The following KHDRBS2 variants were observed in gnomAD, a reference collection of about 807,000 sequenced individuals.
KHDRBS2 encodes the protein KH domain-containing, RNA-binding, signal transduction-associated protein 2.
KHDRBS2 carries 26 observed loss-of-function variants against 44.3 expected under a neutral mutation model. The observed-to-expected ratio is 0.59, with a 90% CI of 0.43 to 0.81. The LOEUF (loss-of-function observed/expected upper bound fraction) is 0.81, where lower values mean the gene tolerates loss of function less well. KHDRBS2 is among the 40% of genes least tolerant of loss of function. The probability of loss-of-function intolerance (pLI) is 0.00; values close to 1 mark genes in which losing one functional copy is unlikely to be tolerated. For missense variants in KHDRBS2, 476 were observed against 433.1 expected, an observed-to-expected ratio of 1.10 and a Z score of -0.88; for synonymous variants, 194 against 151.1, an observed-to-expected ratio of 1.28 and a Z score of -2.08.
intron 3 of KHDRBS2, among the ~76,000 whole-genome samples, chr6:62,021,247 G>A (rs182428315): frequency 6.8e-4 from 104 of 151,934 alleles, no homozygotes; most frequent in African/African-American, 2.5e-3. Flanking sequence ...AAAGACATTG[G>A]GGTCTAAAAG....
chr6:61,906,987 TG>T (rs1371777162), intron 4 of KHDRBS2, among the ~76,000 whole-genome samples: 1 of 152,132 alleles, frequency 6.6e-6, no homozygotes, highest in East Asian at 1.9e-4. Context: ...ACCTCCATAC[TG>T]TTCTCCATAG....
At chr6:61,622,852 C>G in the KHDRBS2 span, among the ~76,000 whole-genome samples, 1 of 152,026 alleles carries the variant, frequency 6.6e-6, no homozygotes, top group Non-Finnish European at 1.5e-5. Context: ...TAGCTCTCCT[C>G]TGCAAGCCAG....
the KHDRBS2 span, among the ~76,000 whole-genome samples, chr6:61,558,014 G>T: frequency 2.6e-5 from 4 of 151,824 alleles, no homozygotes; most frequent in East Asian, 1.9e-4. Flanking sequence ...ATATGTTTGG[G>T]TCTTTTCTCT....
intron 2 of KHDRBS2, among the ~76,000 whole-genome samples, chr6:62,147,157 G>C (rs946382969): frequency 1.3e-5 from 2 of 151,644 alleles, no homozygotes; most frequent in African/African-American, 4.9e-5. Context: ...ATGTATCCTA[G>C]TTCCAGTTTC....
At chr6:62,073,874 G>T (rs993221560) in intron 2 of KHDRBS2, among the ~76,000 whole-genome samples, 2 of 151,666 alleles carry the variant, frequency 1.3e-5, no homozygotes, top group African/African-American at 4.8e-5. Context: ...TCCAAATAAA[G>T]TCTATCCTCA....
intron 4 of KHDRBS2, among the ~76,000 whole-genome samples, chr6:61,954,843 T>TATATAC (rs1765970585): frequency 1.3e-5 from 1 of 78,956 alleles, no homozygotes; most frequent in African/African-American, 4.9e-5. Context: ...TATGTATGTA[T>TATATAC]ACATATGCAT....
At chr6:61,543,539 G>A in the KHDRBS2 span, among the ~76,000 whole-genome samples, 2 of 151,706 alleles carry the variant, frequency 1.3e-5, no homozygotes, top group African/African-American at 2.4e-5. Flanking sequence ...CAGTTTGAAG[G>A]CTCCTTAAAA....
intron 6 of KHDRBS2, among the ~76,000 whole-genome samples, chr6:61,892,867 A>G (rs1360560899): frequency 2.0e-5 from 3 of 152,188 alleles, no homozygotes; most frequent in Non-Finnish European, 4.4e-5. Context: ...CTAAAACACC[A>G]AAAGCAATGG....
chr6:62,242,764 C>A (rs1450643045), intron 1 of KHDRBS2, among the ~76,000 whole-genome samples: 4 of 152,046 alleles, frequency 2.6e-5, no homozygotes, highest in Admixed American at 2.6e-4. Flanking sequence ...GAGAACTGAA[C>A]AAGGTAATCT....
intron 1 of KHDRBS2, among the ~76,000 whole-genome samples, chr6:62,236,414 G>A (rs142033924): frequency 1.4e-3 from 206 of 151,936 alleles, no homozygotes; most frequent in Middle Eastern, 3.4e-3. Flanking sequence ...AATTCTACCA[G>A]AGAATTAGAG....
At chr6:61,961,829 C>G (rs930704079) in intron 4 of KHDRBS2, among the ~76,000 whole-genome samples, 2 of 152,064 alleles carry the variant, frequency 1.3e-5, no homozygotes, top group Admixed American at 6.6e-5. Context: ...AGCTTTCACT[C>G]AGCATGAAGC....
chr6:61,859,379 GACACA>G (rs1796594074), intron 6 of KHDRBS2, among the ~76,000 whole-genome samples: 1 of 151,864 alleles, frequency 6.6e-6, no homozygotes, highest in Non-Finnish European at 1.5e-5. Context: ...CTTTTAGGGT[GACACA>G]TTAGTGGGTA....
At chr6:61,717,341 CT>C (rs1482476744) in intron 7 of KHDRBS2, among the ~76,000 whole-genome samples, 1 of 151,516 alleles carries the variant, frequency 6.6e-6, no homozygotes, top group Non-Finnish European at 1.5e-5. Flanking sequence ...CAAATAAGAA[CT>C]AAAAAAGAGA....
chr6:62,193,696 A>G (rs1232674019), intron 1 of KHDRBS2, among the ~76,000 whole-genome samples: 1 of 152,174 alleles, frequency 6.6e-6, no homozygotes, highest in Non-Finnish European at 1.5e-5. Context: ...CAATCACATC[A>G]GCAATGTATG....
downstream of KHDRBS2, among the ~76,000 whole-genome samples, chr6:61,677,665 C>T (rs893131598): frequency 2.0e-5 from 3 of 151,838 alleles, no homozygotes; most frequent in African/African-American, 7.2e-5. Flanking sequence ...AAAATTTGAA[C>T]AATTCAACAC....
At chr6:62,111,822 C>T (rs1562889757) in intron 2 of KHDRBS2, among the ~76,000 whole-genome samples, 2 of 152,128 alleles carry the variant, frequency 1.3e-5, no homozygotes, top group South Asian at 4.1e-4. Context: ...TTTGAGGCTG[C>T]GATGAGCTGT....
the KHDRBS2 span, among the ~76,000 whole-genome samples, chr6:61,607,466 T>C: frequency 1.2e-5 from 1 of 81,100 alleles, no homozygotes; most frequent in Non-Finnish European, 2.3e-5. Context: ...AAAAGAGGAA[T>C]ATAAAAATAA....
At chr6:61,975,876 A>G (rs1230170323) in intron 4 of KHDRBS2, among the ~76,000 whole-genome samples, 1 of 152,142 alleles carries the variant, frequency 6.6e-6, no homozygotes, top group Non-Finnish European at 1.5e-5. Context: ...AGAGTTTTCT[A>G]CAAAGCTAAC....
the KHDRBS2 span, among the ~76,000 whole-genome samples, chr6:61,632,744 C>A: frequency 6.6e-6 from 1 of 152,058 alleles, no homozygotes; most frequent in Admixed American, 6.6e-5. Context: ...CACATTTTCT[C>A]AGGGGTGGTT....
Sources: allele counts gnomAD v4.1 joint callset (sites outside exome capture counted in the v4.1 genomes callset), GRCh38; gene constraint gnomAD v4.1.1; transcripts MANE v1.5; gene names NCBI Gene and HGNC (gene_info 2026-07-23, HGNC 2026-07-21).